SEMA6D: variants seen among roughly 807,000 people sequenced by gnomAD.
SEMA6D encodes the protein semaphorin 6D.
SEMA6D carries 35 observed loss-of-function variants against 106.6 expected under a neutral mutation model. The ratio of observed to expected loss-of-function variants is 0.33; its 90% CI spans 0.25 to 0.44. The LOEUF is 0.44. SEMA6D is among the 20% of genes least tolerant of loss of function. The pLI, the probability that SEMA6D is intolerant of heterozygous loss-of-function variation, is 1.00. For missense variants in SEMA6D, 1,185 were observed against 1,345.9 expected, an observed-to-expected ratio of 0.88 and a Z score of 1.87; for synonymous variants, 499 against 487.7, an observed-to-expected ratio of 1.02 and a Z score of -0.31.
intron 1 of SEMA6D, among the ~76,000 whole-genome samples, chr15:47,287,004 C>A (rs2035394555): frequency 6.6e-6 from 1 of 152,132 alleles, no homozygotes; most frequent in Non-Finnish European, 1.5e-5. Flanking sequence ...CTCTTCCAAG[C>A]ACATGGAAGA....
intron 1 of SEMA6D, among the ~76,000 whole-genome samples, chr15:47,282,191 A>G (rs1420018309): frequency 1.3e-5 from 2 of 152,130 alleles, no homozygotes; most frequent in Non-Finnish European, 2.9e-5. Flanking sequence ...TATTGTTAGG[A>G]TCATTATCAA....
At chr15:47,195,398 A>C (rs1261687093) in intron 1 of SEMA6D, among the ~76,000 whole-genome samples, 1 of 152,232 alleles carries the variant, frequency 6.6e-6, no homozygotes, top group Non-Finnish European at 1.5e-5. Flanking sequence ...AATTAGAACA[A>C]AAATGATTAT....
chr15:47,574,421 C>G (rs904613707), intron 3 of SEMA6D, among the ~76,000 whole-genome samples: 1 of 152,164 alleles, frequency 6.6e-6, no homozygotes, highest in African/African-American at 2.4e-5. Flanking sequence ...TTGGTTGAAA[C>G]CAATGTGGAG....
intron 1 of SEMA6D, among the ~76,000 whole-genome samples, chr15:47,324,641 G>A (rs2143812277): frequency 6.6e-6 from 1 of 150,750 alleles, no homozygotes; most frequent in Admixed American, 6.6e-5. Context: ...ATATATATGT[G>A]TCTGTACATA....
At chr15:47,241,157 T>C (rs899740964) in intron 1 of SEMA6D, 1 of 152,194 alleles carries the variant, frequency 6.6e-6, no homozygotes, top group African/African-American at 2.4e-5. Flanking sequence ...TGTGTATTTA[T>C]AAAATATTTC....
At chr15:47,218,156 G>T (rs568028200) in intron 1 of SEMA6D, among the ~76,000 whole-genome samples, 9 of 152,114 alleles carry the variant, frequency 5.9e-5, no homozygotes, top group Admixed American at 5.2e-4. Flanking sequence ...GGAAAATGAA[G>T]GAAATGCCTG....
intron 1 of SEMA6D, among the ~76,000 whole-genome samples, chr15:47,226,496 C>T (rs2031676611): frequency 6.6e-6 from 1 of 152,066 alleles, no homozygotes; most frequent in Non-Finnish European, 1.5e-5. Context: ...ACGCAAAGTC[C>T]AGTACTTTGT....
At chr15:47,203,604 A>G (rs1894861850) in intron 1 of SEMA6D, among the ~76,000 whole-genome samples, 2 of 152,136 alleles carry the variant, frequency 1.3e-5, no homozygotes, top group Non-Finnish European at 2.9e-5. Flanking sequence ...CATCTGGCCC[A>G]TCTTTGAGCT....
intron 4 of SEMA6D, among the ~76,000 whole-genome samples, chr15:47,699,785 G>A (rs541854030): frequency 6.6e-5 from 10 of 152,302 alleles, no homozygotes; most frequent in Admixed American, 5.2e-4. Flanking sequence ...ACTGCTTTTT[G>A]ACACATACTG....
intron 1 of SEMA6D, among the ~76,000 whole-genome samples, chr15:47,357,239 C>G (rs957464645): frequency 8.5e-5 from 13 of 152,124 alleles, no homozygotes; most frequent in Admixed American, 8.5e-4. Context: ...GAGGCTGAGG[C>G]AGGAGAATGG....
chr15:47,340,365 C>T (rs927566674), intron 1 of SEMA6D, among the ~76,000 whole-genome samples: 1 of 151,632 alleles, frequency 6.6e-6, no homozygotes. Flanking sequence ...AAAAAAGTGT[C>T]AAAGAGAAAT....
chr15:47,251,811 A>G (rs906263757), intron 1 of SEMA6D, among the ~76,000 whole-genome samples: 2 of 151,326 alleles, frequency 1.3e-5, no homozygotes, highest in Non-Finnish European at 2.9e-5. Flanking sequence ...ATTATTAAAG[A>G]TATTGAACCT....
chr15:47,558,483 G>A (rs1290370488), intron 3 of SEMA6D, among the ~76,000 whole-genome samples: 1 of 151,908 alleles, frequency 6.6e-6, no homozygotes, highest in African/African-American at 2.4e-5. Flanking sequence ...ATCATGAAGG[G>A]CTTCATGAAG....
chr15:47,325,747 C>G (rs890788557), intron 1 of SEMA6D, among the ~76,000 whole-genome samples: 1 of 152,186 alleles, frequency 6.6e-6, no homozygotes. Flanking sequence ...TGCATATCCT[C>G]TTTACCTCCA....
chr15:47,480,352 A>G (rs913024867), intron 3 of SEMA6D, among the ~76,000 whole-genome samples: 3 of 152,112 alleles, frequency 2.0e-5, no homozygotes, highest in Non-Finnish European at 2.9e-5. Flanking sequence ...GAAACCTTCA[A>G]TGGTTCTCCA....
intron 3 of SEMA6D, among the ~76,000 whole-genome samples, chr15:47,499,296 TC>T (rs2053058020): frequency 1.3e-5 from 2 of 152,102 alleles, no homozygotes; most frequent in Non-Finnish European, 2.9e-5. Flanking sequence ...TATCCTGGCT[TC>T]TACGCCCTTC....
intron 1 of SEMA6D, among the ~76,000 whole-genome samples, chr15:47,281,999 C>G (rs183137752): frequency 3.3e-5 from 5 of 152,112 alleles, no homozygotes; most frequent in African/African-American, 1.2e-4. Context: ...ATACCCTATC[C>G]TTCCTCCATT....
At chr15:47,354,313 A>ATG (rs2038468143) in intron 1 of SEMA6D, among the ~76,000 whole-genome samples, 1 of 147,306 alleles carries the variant, frequency 6.8e-6, no homozygotes, top group Admixed American at 6.8e-5. Context: ...TTATATATAT[A>ATG]TATATACACA....
At chr15:47,597,208 G>A (rs976349504) in intron 3 of SEMA6D, among the ~76,000 whole-genome samples, 1 of 152,004 alleles carries the variant, frequency 6.6e-6, no homozygotes, top group Non-Finnish European at 1.5e-5. Context: ...CTAAAAAAAT[G>A]ATTGAAGATA....
Sources: allele counts gnomAD v4.1 joint callset (sites outside exome capture counted in the v4.1 genomes callset), GRCh38; gene constraint gnomAD v4.1.1; transcripts MANE v1.5; gene names NCBI Gene and HGNC (gene_info 2026-07-23, HGNC 2026-07-21).